The following KCNE3 variants were observed in gnomAD, a reference collection of about 807,000 sequenced individuals.
KCNE3 encodes potassium voltage-gated channel subfamily E member 3.
Under a neutral mutation model 4.3 loss-of-function variants are expected in KCNE3, and 2 were observed. The observed-to-expected ratio is 0.47, with a 90% CI of 0.19 to 1.48. The LOEUF (loss-of-function observed/expected upper bound fraction) is 1.48. Among genes scored for constraint, KCNE3 ranks in the 40% most tolerant of loss-of-function variants. KCNE3 has a pLI of 0.25. For missense variants in KCNE3, 128 were observed against 136.8 expected (o/e 0.94, Z 0.32); for synonymous variants, 47 against 52.0 (o/e 0.90, Z 0.41).
rs1173405959 is a variant in KCNE3, at chr11:74,467,244, A to G, written c.-190+154T>C. ...GGATCGGGGAGGATCCGGGAGGACTAGCTTGGTATTTGCAGCGCCCACCCC... is the reference window on the plus strand; with the variant it reads ...GGATCGGGGAGGATCCGGGAGGACTGGCTTGGTATTTGCAGCGCCCACCCC... On this transcript the variant is annotated intron_variant, in intron 1 of 2. Coordinates refer to ENST00000310128, the MANE Select transcript of KCNE3 (RefSeq NM_005472.5). This position sits in a 1 kb window ranked among gnomAD's most constrained non-coding sequence, Gnocchi z 4.4. Among the ~76,000 whole-genome samples, 1 of 149,788 alleles carries G rather than the reference A, an allele frequency of 6.7e-6. No individual in the cohort carries two copies. Among genetic ancestry groups the G allele is most frequent in the African/African-American group, 2.5e-5 (1 of 39,474 alleles).
In KCNE3 at chr11:74,457,188, G is replaced by A; in HGVS notation, c.*64C>T. ...GAGACCTGATGCAGTCCACAGCAGA[G>A]TTCTGGAGGCCCCAGACGCAATCCC... On this transcript the variant is annotated 3_prime_UTR_variant, in exon 3 of 3. Coordinates refer to ENST00000310128, the MANE Select transcript of KCNE3 (RefSeq NM_005472.5). 1.4e-6 allele frequency: 2 copies of A among 1,477,230 alleles called. No individual in the cohort carries two copies. Among genetic ancestry groups the A allele is most frequent in the Non-Finnish European group, 1.9e-6 (2 of 1,070,172 alleles). 91.5% of individuals were successfully genotyped at this position (1,477,230 alleles called of 1,614,324 possible).
intron 1 of KCNE3, among the ~76,000 whole-genome samples, chr11:74,463,413 G>C (rs1249718364): frequency 6.6e-6 from 1 of 152,130 alleles, no homozygotes; most frequent in Non-Finnish European, 1.5e-5. Context: ...GCTGATGAAG[G>C]CACAAGTTGG....
At position 74,461,942 on chromosome 11, in the gene KCNE3, C is replaced by G. The variant is rs4468377; in HGVS notation, c.-41+13G>C. On this transcript the variant is annotated intron_variant, in intron 2 of 2. Coordinates refer to ENST00000310128, the MANE Select transcript of KCNE3 (RefSeq NM_005472.5). ...CAGGGAGAGGGAGGGAAATCTCAATCTGGAAGACTCACCAGACTGCTGGCA... is the reference window on the plus strand; with the variant it reads ...CAGGGAGAGGGAGGGAAATCTCAATGTGGAAGACTCACCAGACTGCTGGCA... The G allele has an allele frequency of 6.6e-6, 1 of 152,210 alleles. No homozygotes were observed. The highest frequency in any genetic ancestry group is 1.9e-4 in the East Asian group (1 of 5,192). 9.4% of individuals were successfully genotyped at this position (152,210 alleles called of 1,614,324 possible).
chr11:74,458,605 G>A (rs1013908526), intron 2 of KCNE3, among the ~76,000 whole-genome samples: 3 of 152,222 alleles, frequency 2.0e-5, no homozygotes, highest in Non-Finnish European at 4.4e-5. Flanking sequence ...GGCTGAGGCG[G>A]GTGGGATCAC....
At chr11:74,457,641 C>T in intron 2 of KCNE3, 38 bp from the exon 3 acceptor site, 1 of 1,302,686 alleles carries the variant, frequency 7.7e-7, no homozygotes, top group South Asian at 1.2e-5. Context: ...ATGGCTCTGT[C>T]ACCTGCAGCT....
intron 1 of KCNE3, among the ~76,000 whole-genome samples, chr11:74,465,360 T>C (rs1864039270): frequency 6.6e-6 from 1 of 152,050 alleles, no homozygotes; most frequent in South Asian, 2.1e-4. Context: ...CAAAACAGAT[T>C]TCATTTGGTC....
At chr11:74,462,536 A>G (rs1249624966) in intron 1 of KCNE3, among the ~76,000 whole-genome samples, 1 of 152,260 alleles carries the variant, frequency 6.6e-6, no homozygotes, top group East Asian at 1.9e-4. Flanking sequence ...GATATTTTAC[A>G]TAGGAACAAA....
At chr11:74,462,681 C>T (rs756410560) in intron 1 of KCNE3, 20 of 152,298 alleles carry the variant, frequency 1.3e-4, no homozygotes, top group Non-Finnish European at 2.4e-4. Flanking sequence ...ACTGCACATA[C>T]GGTGGTTGTT....
chr11:74,454,968 A>G lies in KCNE3; in HGVS notation c.*2284T>C, dbSNP rs986235282. ...AAGGAAGTCTCCACCTTCTCCCTCA[A>G]GAAGAGATGAGGAAGGGCTTGAGCA... On this transcript the variant is annotated 3_prime_UTR_variant, in exon 3 of 3. Transcript: ENST00000310128. 4 of 152,200 alleles carry G rather than the reference A, an allele frequency of 2.6e-5. No individual in the cohort carries two copies. The highest frequency in any genetic ancestry group is 9.6e-5 in the African/African-American group (4 of 41,452). The allele number at this position is 152,200 out of a possible 1,614,324, so 9.4% of individuals were successfully genotyped here.
chr11:74,463,296 A>G (rs945148123), intron 1 of KCNE3, among the ~76,000 whole-genome samples: 5 of 152,038 alleles, frequency 3.3e-5, no homozygotes, highest in African/African-American at 9.7e-5. Context: ...TGTGCTTCTG[A>G]CAGGAGGAGG....
intron 2 of KCNE3, among the ~76,000 whole-genome samples, chr11:74,459,347 C>A (rs1368497342): frequency 1.4e-5 from 2 of 147,636 alleles, no homozygotes; most frequent in Non-Finnish European, 3.0e-5. Context: ...CTGCAAGTTC[C>A]GCCTCCTGGG....
intron 2 of KCNE3, among the ~76,000 whole-genome samples, chr11:74,459,484 G>A (rs113590200): frequency 0.03 from 4,627 of 151,950 alleles, 91 homozygotes; most frequent in South Asian, 0.085. Context: ...GGATGGTCTC[G>A]ATCTCCTGAC....
chr11:74,464,862 T>C (rs1864027347), intron 1 of KCNE3, among the ~76,000 whole-genome samples: 1 of 152,236 alleles, frequency 6.6e-6, no homozygotes, highest in Admixed American at 6.5e-5. Flanking sequence ...AAATATTCCT[T>C]GCACTTGCAC....
In KCNE3 at chr11:74,467,549, T is replaced by A. The variant is rs1318521826; in HGVS notation, c.-341A>T. The A allele has an allele frequency of 6.5e-6, 1 of 152,778 alleles. No individual in the cohort carries two copies. Among genetic ancestry groups the A allele is most frequent in the Non-Finnish European group, 1.5e-5 (1 of 68,272 alleles). The allele number at this position is 152,778 out of a possible 1,614,324, so 9.5% of individuals were successfully genotyped here. ...CACCGCCCAGCGCGCTCTCTGGCTC[T>A]GGGCTCCCACCCGCGCTCGGCTCCC... On this transcript the variant is annotated 5_prime_UTR_variant, in exon 1 of 3. Coordinates refer to ENST00000310128, the MANE Select transcript of KCNE3 (RefSeq NM_005472.5). This position sits in a 1 kb window ranked among gnomAD's most constrained non-coding sequence, Gnocchi z 4.4.
Position 74,467,159 on chromosome 11 carries a change from G to C in KCNE3, c.-190+239C>G, listed in dbSNP as rs1312814498. 6.6e-6 allele frequency among the ~76,000 whole-genome samples: 1 copy of C among 152,158 alleles called. No homozygotes were observed. The highest frequency in any genetic ancestry group is 2.4e-5 in the African/African-American group (1 of 41,452). ...CGCAAGTCCCCACGGTTTCCAGACGGGGCGCGCAGAGCCCAGCTCCCTACT... is the reference window on the plus strand; with the variant it reads ...CGCAAGTCCCCACGGTTTCCAGACGCGGCGCGCAGAGCCCAGCTCCCTACT... On this transcript the variant is annotated intron_variant, in intron 1 of 2. Transcript: ENST00000310128. This position sits in a 1 kb window ranked among gnomAD's most constrained non-coding sequence, Gnocchi z 4.4.
rs536091925 is a variant in KCNE3 at position 74,464,020 on chromosome 11, A to G, written c.-189-1917T>C. ...TGGGAGGAGGAGTTAGACTTCGTTTATGCTCTCATCTTCCATGCACCCCAC... is the reference window on the plus strand; with the variant it reads ...TGGGAGGAGGAGTTAGACTTCGTTTGTGCTCTCATCTTCCATGCACCCCAC... On this transcript the variant is annotated intron_variant, in intron 1 of 2. Coordinates refer to ENST00000310128, the MANE Select transcript of KCNE3 (RefSeq NM_005472.5). 3.9e-5 allele frequency among the ~76,000 whole-genome samples: 6 copies of G among 152,264 alleles called. No homozygotes were observed. In the South Asian group the frequency reaches 6.2e-4, roughly 16 times the overall value.
chr11:74,461,947 A>C lies in KCNE3; in HGVS notation c.-41+8T>G, dbSNP rs529349047. The C allele has an allele frequency of 1.3e-5, 2 of 152,282 alleles. No individual in the cohort carries two copies. The highest frequency in any genetic ancestry group is 4.8e-5 in the African/African-American group (2 of 41,542). The allele number at this position is 152,282 out of a possible 1,614,324, so 9.4% of individuals were successfully genotyped here. A position where few individuals can be genotyped will look rare whatever the true frequency, so the allele number is the denominator to read the frequency against. ...AGAGGGAGGGAAATCTCAATCTGGAAGACTCACCAGACTGCTGGCAAATCC... is the reference window on the plus strand; with the variant it reads ...AGAGGGAGGGAAATCTCAATCTGGACGACTCACCAGACTGCTGGCAAATCC... On this transcript the variant is annotated splice_region_variant and intron_variant, in intron 2 of 2. Transcript: ENST00000310128.
Position 74,457,108 on chromosome 11 carries a change from C to A in KCNE3, c.*144G>T. ...GTCTACCAGCCCCTCTTCTCCCACC[C>A]CAGTGACGACCTCCCTTAACCGTGT... On this transcript the variant is annotated 3_prime_UTR_variant, in exon 3 of 3. Transcript: ENST00000310128. 1 of 817,078 alleles carries A rather than the reference C, an allele frequency of 1.2e-6. No individual in the cohort carries two copies. The allele number at this position is 817,078 out of a possible 1,614,324, so 50.6% of individuals were successfully genotyped here.
Position 74,457,311 on chromosome 11 carries a change from CT to C in KCNE3, c.252del (p.Val85TrpfsTer18). 1 of 1,614,224 alleles carries C rather than the reference CT, an allele frequency of 6.2e-7. No homozygotes were observed. Among genetic ancestry groups the C allele is most frequent in the Non-Finnish European group, 8.5e-7 (1 of 1,180,044 alleles). On this transcript the variant is annotated frameshift_variant, in exon 3 of 3. Transcript: ENST00000310128. LOFTEE classifies it high-confidence loss of function. ...SLILGYTRSR[K>X]VDKRSDPYHV... is the part of the protein sequence containing the mutation. ...TGATAGGGGTCACTACGCTTGTCCA[CT>C]TTGCGGGAGCGGGTGTATCCCAGGA...
Sources: gnomAD v4.1 joint callset for allele counts (sites outside exome capture counted in the v4.1 genomes callset) on GRCh38, gnomAD v4.1.1 for gene constraint, Gnocchi (gnomAD v3.1) non-coding constraint, MANE v1.5 for transcripts, NCBI Gene and HGNC (gene_info 2026-07-23, HGNC 2026-07-21) for gene names.